Variants in DGKD observed in about 807,000 individuals in gnomAD.
The protein encoded by DGKD is diacylglycerol kinase delta.
In DGKD, 68 loss-of-function variants were observed where a neutral mutation model predicts 154.4. That is an observed-to-expected ratio of 0.44 (90% CI 0.36 to 0.54). DGKD has a LOEUF of 0.54. Among genes scored for constraint, DGKD ranks in the 20% least tolerant of loss-of-function variants. The pLI, the probability that DGKD is intolerant of heterozygous loss-of-function variation, is 0.00. For synonymous variants in DGKD, 693 were observed against 638.0 expected, an observed-to-expected ratio of 1.09 and a Z score of -1.30; for missense variants, 1,343 against 1,593.6, an observed-to-expected ratio of 0.84 and a Z score of 2.68.
chr2:233,393,369 CT>C (rs1703769298), intron 3 of DGKD, among the ~76,000 whole-genome samples: 1 of 130,580 alleles, frequency 7.7e-6, no homozygotes, highest in African/African-American at 3.0e-5. Flanking sequence ...CAGGGTCTTG[CT>C]CTGTTGCCCA....
At chr2:233,394,119 C>T (rs1192302119) in intron 3 of DGKD, among the ~76,000 whole-genome samples, 1 of 152,138 alleles carries the variant, frequency 6.6e-6, no homozygotes, top group Non-Finnish European at 1.5e-5. Flanking sequence ...ACACTTTGTT[C>T]ATGTATTTCT....
chr2:233,465,020 C>T (rs2063783861), intron 27 of DGKD, among the ~76,000 whole-genome samples: 1 of 152,190 alleles, frequency 6.6e-6, no homozygotes, highest in South Asian at 2.1e-4. Flanking sequence ...GGCGAGGGGA[C>T]AGAGGTGGGC....
chr2:233,467,338 C>T (rs2063855247), intron 28 of DGKD, 135 bp downstream of exon 28: 14 of 704,308 alleles, frequency 2.0e-5, no homozygotes, highest in Non-Finnish European at 3.3e-5. Flanking sequence ...CCCGGTCCTG[C>T]GACCACACTT....
chr2:233,429,355 A>G (rs2062429142), intron 3 of DGKD: 9 of 980,392 alleles, frequency 9.2e-6, no homozygotes, highest in Non-Finnish European at 1.1e-5. Context: ...GTGTTCAAAT[A>G]TTAAAACTCA....
At chr2:233,355,016 C>T (rs1260695385) in intron 1 of DGKD, among the ~76,000 whole-genome samples, 1 of 151,696 alleles carries the variant, frequency 6.6e-6, no homozygotes, top group African/African-American at 2.4e-5. Flanking sequence ...GCGCTCGTGC[C>T]ACCGAGCGGG....
In DGKD at chr2:233,460,266, C is replaced by T. The variant is rs562412966; in HGVS notation, c.2902C>T (p.Leu968=). 1.1e-5 allele frequency: 17 copies of T among 1,614,000 alleles called. No homozygotes were observed. In the African/African-American group the frequency reaches 1.7e-4, roughly 16 times the overall value. ...GCTGCCCCGCCCTCCATCCTGTTCC[C>T]TGCACCCGGAGATGCTGTCCGAGGA... ...CELPRPPSCS[L]HPEMLSEEEA... The change falls in exon 24 of 30, where the codon CTG becomes TTG. Residue 968 remains leucine, a synonymous_variant. Coordinates refer to ENST00000264057, the MANE Select transcript of DGKD (RefSeq NM_152879.3).
intron 3 of DGKD, among the ~76,000 whole-genome samples, chr2:233,421,599 G>A (rs951743566): frequency 7.9e-5 from 12 of 152,084 alleles, no homozygotes; most frequent in South Asian, 2.1e-4. Context: ...CCCCAGCCAC[G>A]CACCACGCGC....
chr2:233,370,098 A>C (rs1447823352), intron 1 of DGKD, among the ~76,000 whole-genome samples: 1 of 152,130 alleles, frequency 6.6e-6, no homozygotes, highest in African/African-American at 2.4e-5. Context: ...TGTATCCCCT[A>C]CATGGAAATC....
At chr2:233,460,448 T>C (rs2063593186) in intron 24 of DGKD, 103 bp downstream of exon 24, 1 of 1,451,532 alleles carries the variant, frequency 6.9e-7, no homozygotes, top group Non-Finnish European at 9.3e-7. Context: ...TCCTGACTTT[T>C]GTGGGGTCTG....
At chr2:233,447,246 G>A (rs573449970) in intron 12 of DGKD, among the ~76,000 whole-genome samples, 6 of 152,202 alleles carry the variant, frequency 3.9e-5, no homozygotes, top group East Asian at 1.9e-4. Context: ...GCTGCCCTTC[G>A]CTCAGGCTCC....
chr2:233,435,073 G>A (rs2062644652), intron 5 of DGKD, among the ~76,000 whole-genome samples, 172 bp downstream of exon 5: 1 of 152,214 alleles, frequency 6.6e-6, no homozygotes, highest in African/African-American at 2.4e-5. Flanking sequence ...CTGCCGAAGA[G>A]TCCTTGATAA....
rs138385141 is a variant in DGKD, at chr2:233,412,130, A to AT, written c.348+21650dup. On this transcript the variant is annotated intron_variant, in intron 3 of 29. Transcript: ENST00000264057. ...TATAAATTTTAATATTAGTTTGTCA[A>AT]TTTCTATAAGTGAGGCCTGCTAGAA... Among the ~76,000 whole-genome samples the AT allele has an allele frequency of 1.4e-3, 211 of 152,286 alleles. 5 individuals carry two copies. The East Asian group carries it at 0.033, about 24-fold the overall frequency.
chr2:233,384,981 C>T (rs747002850), intron 1 of DGKD, among the ~76,000 whole-genome samples: 10 of 152,164 alleles, frequency 6.6e-5, no homozygotes, highest in East Asian at 1.9e-4. Flanking sequence ...TGTACACATC[C>T]GCCTTCCTCT....
intron 1 of DGKD, among the ~76,000 whole-genome samples, chr2:233,359,113 T>C (rs1233288488): frequency 4.6e-5 from 7 of 152,246 alleles, no homozygotes; most frequent in African/African-American, 1.7e-4. Flanking sequence ...AGGTTTTTAA[T>C]GCCATTTTAT....
chr2:233,404,618 GATC>G (rs1459104419), intron 3 of DGKD, among the ~76,000 whole-genome samples: 1 of 152,100 alleles, frequency 6.6e-6, no homozygotes, highest in Non-Finnish European at 1.5e-5. Context: ...ATTTTAGATA[GATC>G]ATCATTTGAA....
At chr2:233,468,246 C>T (rs1575185078) in intron 28 of DGKD, among the ~76,000 whole-genome samples, 177 bp from the exon 29 acceptor site, 3 of 132,232 alleles carry the variant, frequency 2.3e-5, no homozygotes, top group South Asian at 2.6e-4. Flanking sequence ...TGGGCTATCT[C>T]GGGTGCCGGC....
chr2:233,355,677 C>T (rs1048096713), intron 1 of DGKD, among the ~76,000 whole-genome samples: 1 of 152,194 alleles, frequency 6.6e-6, no homozygotes, highest in African/African-American at 2.4e-5. Context: ...GTGAAGTGCT[C>T]CAGTTATTCA....
intron 12 of DGKD, 98 bp downstream of exon 12, chr2:233,446,894 C>A (rs2063094257): frequency 1.4e-6 from 2 of 1,395,102 alleles, no homozygotes; most frequent in Non-Finnish European, 2.0e-6. Context: ...AGACGCCTCC[C>A]CTTTGGTGTT....
chr2:233,409,776 C>T (rs1461642419), intron 3 of DGKD, among the ~76,000 whole-genome samples: 2 of 146,522 alleles, frequency 1.4e-5, no homozygotes, highest in Admixed American at 6.9e-5. Context: ...AACATGTGAT[C>T]CCCCCATACC....
Sources: gnomAD v4.1 joint callset for allele counts (sites outside exome capture counted in the v4.1 genomes callset) on GRCh38, gnomAD v4.1.1 for gene constraint, MANE v1.5 for transcripts, NCBI Gene and HGNC (gene_info 2026-07-23, HGNC 2026-07-21) for gene names.